CNTNAP2: variants seen among roughly 807,000 people sequenced by gnomAD.
The protein encoded by CNTNAP2 is contactin associated protein 2.
In CNTNAP2, 98 loss-of-function variants were observed where a neutral mutation model predicts 155.2. The ratio of observed to expected loss-of-function variants is 0.63; its 90% CI spans 0.54 to 0.75. The LOEUF (loss-of-function observed/expected upper bound fraction) is 0.75. Among genes scored for constraint, CNTNAP2 ranks in the 30% least tolerant of loss-of-function variants. The pLI is 0.00. For missense variants in CNTNAP2, 1,727 were observed against 1,688.1 expected, an observed-to-expected ratio of 1.02 and a Z score of -0.40; for synonymous variants, 651 against 631.2, an observed-to-expected ratio of 1.03 and a Z score of -0.47.
Position 148,417,561 on chromosome 7 carries a change from C to T in CNTNAP2, c.*1945C>T, listed in dbSNP as rs900413817. 2 of 152,262 alleles carry T rather than the reference C, an allele frequency of 1.3e-5. No individual in the cohort carries two copies. Among genetic ancestry groups the T allele is most frequent in the African/African-American group, 4.8e-5 (2 of 41,426 alleles). The allele number at this position is 152,262 out of a possible 1,614,324, so 9.4% of individuals were successfully genotyped here. On this transcript the variant is annotated 3_prime_UTR_variant, in exon 24 of 24. Coordinates refer to ENST00000361727, the MANE Select transcript of CNTNAP2 (RefSeq NM_014141.6). ...TACTTAATATCACTAAATATCAGAA[C>T]AATGTAACATTTACAAATGACATAT... is the stretch of plus-strand genomic sequence containing the variant.
At chr7:147,124,551 C>T (rs528638289) in intron 6 of CNTNAP2, among the ~76,000 whole-genome samples, 57 of 152,192 alleles carry the variant, frequency 3.7e-4, no homozygotes, top group African/African-American at 1.2e-3. Context: ...CACTATATGA[C>T]GGTATTTCCA....
intron 1 of CNTNAP2, among the ~76,000 whole-genome samples, chr7:146,176,737 A>G (rs939515145): frequency 1.3e-5 from 2 of 152,220 alleles, no homozygotes; most frequent in African/African-American, 4.8e-5. Context: ...TTCTGATGTG[A>G]CTGCTTTATT....
chr7:148,052,161 C>G (rs1470881962), intron 15 of CNTNAP2, among the ~76,000 whole-genome samples: 2 of 142,400 alleles, frequency 1.4e-5, no homozygotes, highest in African/African-American at 5.1e-5. Flanking sequence ...AAAAAAAAAG[C>G]CCTTGTAAGC....
At chr7:146,449,926 A>G (rs1451588677) in intron 1 of CNTNAP2, among the ~76,000 whole-genome samples, 1 of 152,184 alleles carries the variant, frequency 6.6e-6, no homozygotes, top group African/African-American at 2.4e-5. Flanking sequence ...TGTACAATCC[A>G]GTTGATTTCT....
At chr7:147,629,713 C>T (rs1247148178) in intron 12 of CNTNAP2, among the ~76,000 whole-genome samples, 3 of 151,902 alleles carry the variant, frequency 2.0e-5, no homozygotes, top group African/African-American at 4.8e-5. Context: ...AATTAAATCA[C>T]CTGTTCCTTA....
At chr7:146,813,646 G>C (rs937472874) in intron 2 of CNTNAP2, among the ~76,000 whole-genome samples, 1 of 152,150 alleles carries the variant, frequency 6.6e-6, no homozygotes, top group Non-Finnish European at 1.5e-5. Flanking sequence ...GTTAATGCTG[G>C]AATGAGTTAA....
chr7:146,505,207 C>T (rs972297085), intron 1 of CNTNAP2, among the ~76,000 whole-genome samples: 15 of 152,190 alleles, frequency 9.9e-5, no homozygotes, highest in Non-Finnish European at 1.6e-4. Context: ...GCAAGACATC[C>T]CCTGCTGCTG....
chr7:146,443,266 A>AAATAAATG (rs1177243683), intron 1 of CNTNAP2, among the ~76,000 whole-genome samples: 1 of 151,674 alleles, frequency 6.6e-6, no homozygotes, highest in African/African-American at 2.4e-5. Context: ...ATAGATAAAT[A>AAATAAATG]AAAGCATGGT....
intron 1 of CNTNAP2, among the ~76,000 whole-genome samples, chr7:146,482,604 G>A (rs1047449860): frequency 7.2e-5 from 11 of 151,792 alleles, no homozygotes; most frequent in African/African-American, 9.7e-5. Flanking sequence ...TTAGCTGGGC[G>A]TGGTGGCACA....
intron 4 of CNTNAP2, among the ~76,000 whole-genome samples, chr7:147,077,899 A>C (rs546218340): frequency 6.6e-6 from 1 of 152,204 alleles, no homozygotes; most frequent in Non-Finnish European, 1.5e-5. Flanking sequence ...CAGATTACAG[A>C]TAAAGAAATA....
chr7:148,370,376 A>T (rs965648908), intron 21 of CNTNAP2, among the ~76,000 whole-genome samples: 3 of 152,152 alleles, frequency 2.0e-5, no homozygotes, highest in Non-Finnish European at 4.4e-5. Context: ...GCAGAAAGAG[A>T]GTCAGGGACA....
chr7:147,124,876 C>CTTTTTTTTTTTTTTTTTTTTTTTTTT (rs371912854), intron 6 of CNTNAP2, among the ~76,000 whole-genome samples: 1 of 80,070 alleles, frequency 1.2e-5, no homozygotes, highest in Non-Finnish European at 2.1e-5. Context: ...CCTTTTTTTC[C>CTTTTTTTTTTTTTTTTTTTTTTTTTT]TTTTTTTTTT....
At chr7:146,620,365 A>C (rs1799297458) in intron 1 of CNTNAP2, among the ~76,000 whole-genome samples, 1 of 152,194 alleles carries the variant, frequency 6.6e-6, no homozygotes, top group South Asian at 2.1e-4. Flanking sequence ...CCAGAGATGT[A>C]GAGCAATGCA....
At chr7:146,940,799 T>TTA (rs200533097) in intron 3 of CNTNAP2, among the ~76,000 whole-genome samples, 5 of 150,384 alleles carry the variant, frequency 3.3e-5, no homozygotes, top group South Asian at 2.1e-4. Context: ...TATATAGTTG[T>TTA]TATATATATG....
chr7:147,920,355 CAAA>C lies in CNTNAP2; in HGVS notation c.2255+16653_2255+16655del, dbSNP rs35672069. 5.8e-5 allele frequency among the ~76,000 whole-genome samples: 5 copies of C among 86,830 alleles called. No homozygotes were observed. In the East Asian group the frequency reaches 1.3e-3, roughly 22 times the overall value. The allele number at this position is 86,830 out of a possible 152,430, so 57.0% of individuals were successfully genotyped here. A position where few individuals can be genotyped will look rare whatever the true frequency, so the allele number is the denominator to read the frequency against. On this transcript the variant is annotated intron_variant, in intron 14 of 23. Transcript: ENST00000361727. ...TGGGTGACAGAGGGAGACTCCGTCT[CAAA>C]AAAAAAAAAAAAAAAAAAGCATGTC...
intron 13 of CNTNAP2, among the ~76,000 whole-genome samples, chr7:147,795,619 C>A (rs987293907): frequency 6.6e-6 from 1 of 152,034 alleles, no homozygotes; most frequent in African/African-American, 2.4e-5. Flanking sequence ...ACTTTTCTAC[C>A]CCCATAGTAG....
intron 1 of CNTNAP2, among the ~76,000 whole-genome samples, chr7:146,294,883 T>A (rs112315838): frequency 0.017 from 2,528 of 152,278 alleles, 60 homozygotes; most frequent in African/African-American, 0.057. Context: ...AGTAGCTTAA[T>A]TTTTGTTCAC....
chr7:147,779,565 TG>T (rs990216512), intron 13 of CNTNAP2, among the ~76,000 whole-genome samples: 3 of 152,060 alleles, frequency 2.0e-5, no homozygotes, highest in Non-Finnish European at 4.4e-5. Flanking sequence ...TTTTTCAAGC[TG>T]TTTTTTAGCA....
At chr7:148,076,419 CTTCTTT>C (rs1803486553) in intron 15 of CNTNAP2, among the ~76,000 whole-genome samples, 1 of 99,896 alleles carries the variant, frequency 1.0e-5, no homozygotes, top group Admixed American at 1.1e-4. Context: ...ATAGCTCTGA[CTTCTTT>C]TTTTTTTTTT....
Sources: allele counts gnomAD v4.1 joint callset (sites outside exome capture counted in the v4.1 genomes callset), GRCh38; gene constraint gnomAD v4.1.1; transcripts MANE v1.5; gene names NCBI Gene and HGNC (gene_info 2026-07-23, HGNC 2026-07-21).